The following USH2A variants were observed in gnomAD, a reference collection of about 807,000 sequenced individuals.
The protein encoded by USH2A is usherin.
USH2A carries 443 observed loss-of-function variants against 538.9 expected under a neutral mutation model. The observed-to-expected ratio is 0.82, with a 90% CI of 0.76 to 0.89. The LOEUF is 0.89. USH2A is among the 40% of genes least tolerant of loss of function. The pLI is 0.00. For missense variants in USH2A, 6,633 were observed against 6,324.8 expected, an observed-to-expected ratio of 1.05 and a Z score of -1.65; for synonymous variants, 2,413 against 2,273.5, an observed-to-expected ratio of 1.06 and a Z score of -1.75.
chr1:216,244,474 G>T (rs1389402746), intron 13 of USH2A, among the ~76,000 whole-genome samples: 1 of 152,118 alleles, frequency 6.6e-6, no homozygotes, highest in Admixed American at 6.6e-5. Context: ...ACTATATAGG[G>T]TAGACAGGAA....
chr1:215,856,543 A>C (rs928132924), intron 44 of USH2A, among the ~76,000 whole-genome samples: 1 of 152,172 alleles, frequency 6.6e-6, no homozygotes, highest in Non-Finnish European at 1.5e-5. Context: ...AAAAACCAAA[A>C]AATAATAGAC....
chr1:216,283,947 T>C (rs2036833900), intron 11 of USH2A, among the ~76,000 whole-genome samples: 1 of 152,120 alleles, frequency 6.6e-6, no homozygotes, highest in African/African-American at 2.4e-5. Context: ...ATAGCTTGGA[T>C]AGAACTGAGT....
rs141065457 is a variant in USH2A at position 216,383,764 on chromosome 1, T to G, written c.652-18679A>C. 2.0e-5 allele frequency among the ~76,000 whole-genome samples: 3 copies of G among 152,092 alleles called. No homozygotes were observed. The South Asian group carries it at 6.2e-4, about 32-fold the overall frequency. On this transcript the variant is annotated intron_variant, in intron 3 of 71. Coordinates refer to ENST00000307340, the MANE Select transcript of USH2A (RefSeq NM_206933.4). ...ACGACCATGGCTCACAGCCTTGACC[T>G]CCCAGGCTCAGAAGATCTTCCCATC...
intron 11 of USH2A, among the ~76,000 whole-genome samples, chr1:216,264,955 T>C (rs1427394146): frequency 2.6e-5 from 4 of 151,958 alleles, no homozygotes; most frequent in East Asian, 1.9e-4. Context: ...CCCAAAACTA[T>C]GAAAATACTA....
intron 48 of USH2A, among the ~76,000 whole-genome samples, chr1:215,815,545 A>C (rs4520392): frequency 0.13 from 19,653 of 151,982 alleles, 1,681 homozygotes; most frequent in African/African-American, 0.24. Context: ...GCTTCAGTAA[A>C]TTTTTAAAAG....
chr1:215,756,439 C>A (rs2102739023), intron 58 of USH2A, among the ~76,000 whole-genome samples: 1 of 152,298 alleles, frequency 6.6e-6, no homozygotes, highest in South Asian at 2.1e-4. Context: ...GCAAAGAAAT[C>A]ATCAACCTTG....
intron 38 of USH2A, among the ~76,000 whole-genome samples, chr1:215,905,284 G>T (rs111481829): frequency 2.6e-5 from 4 of 152,086 alleles, no homozygotes; most frequent in African/African-American, 9.6e-5. Context: ...CCACCAACAT[G>T]TTACTTTTGA....
intron 3 of USH2A, among the ~76,000 whole-genome samples, chr1:216,374,277 C>A (rs977929893): frequency 6.2e-5 from 7 of 112,052 alleles, no homozygotes; most frequent in African/African-American, 2.0e-4. Context: ...AATAAAAAAG[C>A]AGTGCCGACC....
Position 215,877,851 on chromosome 1 carries a change from T to C in USH2A, c.8588A>G (p.Gln2863Arg). 1 of 1,613,824 alleles carries C rather than the reference T, an allele frequency of 6.2e-7. No homozygotes were observed. Among genetic ancestry groups the C allele is most frequent in the Non-Finnish European group, 8.5e-7 (1 of 1,179,768 alleles). Residue 2863 changes from glutamine (Q) to arginine (R), a missense_variant, in exon 43 of 72, where the codon CAG becomes CGG. Coordinates refer to ENST00000307340, the MANE Select transcript of USH2A (RefSeq NM_206933.4). ...TTCTGGGGGATTTGATGCAAGTGGC[T>C]GCTGGATTTTACGTCTCAGAAGCTC... Reference protein sequence around the residue: ...RYELLRRKIQQPLASNPPEDL... With the variant: ...RYELLRRKIQRPLASNPPEDL...
rs116573754 is a variant in USH2A, at chr1:216,061,288, T to A, written c.6049+8813A>T. Among the ~76,000 whole-genome samples the A allele has an allele frequency of 6.4e-3, 982 of 152,370 alleles. 8 individuals are homozygous for A. The highest frequency in any genetic ancestry group is 0.022 in the African/African-American group (917 of 41,600). On this transcript the variant is annotated intron_variant, in intron 30 of 71. Transcript: ENST00000307340. ...TTTAATAATTTTCTTTGCTTTTACC[T>A]TCTGCTTTTTGTAAGTCTGAACATA...
intron 43 of USH2A, among the ~76,000 whole-genome samples, chr1:215,877,401 T>C (rs1029678309): frequency 6.6e-6 from 1 of 152,154 alleles, no homozygotes; most frequent in African/African-American, 2.4e-5. Context: ...TTTCTAGAAA[T>C]AGCAAGCATT....
intron 44 of USH2A, among the ~76,000 whole-genome samples, chr1:215,861,217 T>A (rs931038780): frequency 6.6e-6 from 1 of 152,214 alleles, no homozygotes; most frequent in Non-Finnish European, 1.5e-5. Flanking sequence ...CTCATAGTGT[T>A]CCAGCTTCTA....
chr1:215,654,238 G>A (rs1657172278), intron 64 of USH2A, among the ~76,000 whole-genome samples: 1 of 151,988 alleles, frequency 6.6e-6, no homozygotes, highest in Non-Finnish European at 1.5e-5. Context: ...TGTTACATAG[G>A]TATACATGTG....
At chr1:215,918,651 T>C (rs1363438461) in intron 38 of USH2A, among the ~76,000 whole-genome samples, 1 of 152,146 alleles carries the variant, frequency 6.6e-6, no homozygotes, top group Non-Finnish European at 1.5e-5. Flanking sequence ...TTTCACATTA[T>C]CTATTAGTAA....
At chr1:216,264,396 C>T (rs1006407336) in intron 11 of USH2A, among the ~76,000 whole-genome samples, 2 of 151,938 alleles carry the variant, frequency 1.3e-5, no homozygotes, top group African/African-American at 2.4e-5. Context: ...CTCCTGGGTT[C>T]AAGTAGTTCT....
chr1:215,675,204 C>T lies in USH2A; in HGVS notation c.12707G>A (p.Cys4236Tyr). The change falls in exon 63 of 72, where the codon TGT becomes TAT. Residue 4236 changes from cysteine to tyrosine, a missense_variant. By Grantham distance (194) the Cys-to-Tyr change is radical (BLOSUM62 -2). Transcript: ENST00000307340. ...ATTCCAAGTGTAGATTTTATATTCACACTGCGTCCATGGTTGCAAACCTGT... is the reference window on the plus strand; with the variant it reads ...ATTCCAAGTGTAGATTTTATATTCATACTGCGTCCATGGTTGCAAACCTGT... ...NDTGLQPWTQ[C>Y]EYKIYTWNSA... 1.2e-6 allele frequency: 2 copies of T among 1,614,062 alleles called. No homozygotes were observed. Among genetic ancestry groups the T allele is most frequent in the Non-Finnish European group, 1.7e-6 (2 of 1,179,992 alleles).
At chr1:216,072,991 G>T in intron 28 of USH2A, 22 bp from the exon 29 acceptor site, 1 of 1,613,420 alleles carries the variant, frequency 6.2e-7, no homozygotes, top group Non-Finnish European at 8.5e-7. Flanking sequence ...ATAAGATGCA[G>T]CAAGATTAAA....
chr1:216,151,368 A>G (rs1438377545), intron 21 of USH2A, among the ~76,000 whole-genome samples: 1 of 152,138 alleles, frequency 6.6e-6, no homozygotes, highest in African/African-American at 2.4e-5. Context: ...CCACATGTAC[A>G]CTAGTCTTCC....
At chr1:215,788,951 A>AAAACAAAAC (rs1558098604) in intron 51 of USH2A, among the ~76,000 whole-genome samples, 1,267 of 70,738 alleles carry the variant, frequency 0.018, 19 homozygotes, top group African/African-American at 0.056. Flanking sequence ...CAAAACAAAA[A>AAAACAAAAC]AACAGGGGAA....
Sources: allele counts gnomAD v4.1 joint callset (sites outside exome capture counted in the v4.1 genomes callset), GRCh38; gene constraint gnomAD v4.1.1; transcripts MANE v1.5; gene names NCBI Gene and HGNC (gene_info 2026-07-23, HGNC 2026-07-21).